Variants in CECR2 observed in about 807,000 individuals in gnomAD.
CECR2 encodes chromatin remodeling regulator CECR2.
CECR2 carries 30 observed loss-of-function variants against 154.5 expected under a neutral mutation model. The observed-to-expected ratio is 0.19, with a 90% CI of 0.15 to 0.26. CECR2 has a LOEUF of 0.26. Ranked by LOEUF, CECR2 falls within the 10% of genes least tolerant of loss-of-function variation. The pLI, the probability that CECR2 is intolerant of heterozygous loss-of-function variation, is 1.00. For missense variants in CECR2, 1,743 were observed against 1,829.3 expected, an observed-to-expected ratio of 0.95 and a Z score of 0.86; for synonymous variants, 725 against 683.7, an observed-to-expected ratio of 1.06 and a Z score of -0.94.
At chr22:17,469,640 TATAATCCTACCCAG>T (rs2055092230) in intron 1 of CECR2, among the ~76,000 whole-genome samples, 1 of 151,480 alleles carries the variant, frequency 6.6e-6, no homozygotes, top group Non-Finnish European at 1.5e-5. Flanking sequence ...TTTTCTTCAT[TATAATCCTACCCAG>T]GCTGTTCCTA....
intron 1 of CECR2, among the ~76,000 whole-genome samples, chr22:17,450,906 C>T (rs2054758549): frequency 6.6e-6 from 1 of 152,244 alleles, no homozygotes; most frequent in African/African-American, 2.4e-5. Flanking sequence ...TCCAGACCAT[C>T]CTCATCTCAT....
chr22:17,421,465 A>G (rs1231440668), intron 1 of CECR2, among the ~76,000 whole-genome samples: 5 of 151,884 alleles, frequency 3.3e-5, no homozygotes, highest in African/African-American at 1.2e-4. Context: ...AATACAAAAA[A>G]TTAGTCGGGT....
intron 1 of CECR2, among the ~76,000 whole-genome samples, chr22:17,462,765 C>T (rs57784551): frequency 0.017 from 2,557 of 152,136 alleles, 71 homozygotes; most frequent in African/African-American, 0.058. Flanking sequence ...AATCAAAAAT[C>T]AGCTGGGTGT....
At chr22:17,511,642 C>G (rs949204299) in intron 7 of CECR2, among the ~76,000 whole-genome samples, 171 bp from the exon 8 acceptor site, 1 of 151,884 alleles carries the variant, frequency 6.6e-6, no homozygotes, top group African/African-American at 2.4e-5. Flanking sequence ...AAACTGGCTT[C>G]TGTCCCTACA....
At chr22:17,505,534 CTTT>C (rs11387639) in intron 7 of CECR2, among the ~76,000 whole-genome samples, 20 of 98,840 alleles carry the variant, frequency 2.0e-4, no homozygotes, top group African/African-American at 5.8e-4. Context: ...CCTCTTTTTC[CTTT>C]TTTTTTTTTT....
At chr22:17,394,674 C>T (rs2053781814) in intron 1 of CECR2, among the ~76,000 whole-genome samples, 1 of 152,132 alleles carries the variant, frequency 6.6e-6, no homozygotes, top group Admixed American at 6.5e-5. Context: ...TCAATTTCTG[C>T]AAAGACATCC....
At chr22:17,390,039 A>AT (rs2063310034) in intron 1 of CECR2, among the ~76,000 whole-genome samples, 1 of 152,192 alleles carries the variant, frequency 6.6e-6, no homozygotes, top group Non-Finnish European at 1.5e-5. Flanking sequence ...AATAATATAT[A>AT]TAATTTGTAC....
chr22:17,542,432 C>T lies in CECR2; in HGVS notation c.2289C>T (p.Tyr763=), dbSNP rs2056541369. ...EIPPSHMYRS[Y]KYLNRVHSAV... ...CTCCCAGCCATATGTATCGATCGTA[C>T]AAGTACCTGAATCGAGTACACTCTG... The change falls in exon 16 of 19, where the codon TAC becomes TAT. Residue 763 remains tyrosine (Y), a synonymous_variant. Coordinates refer to ENST00000262608, the MANE Select transcript of CECR2 (RefSeq NM_001290047.2). The T allele has an allele frequency of 6.2e-7, 1 of 1,613,862 alleles. No homozygotes were observed. Among genetic ancestry groups the T allele is most frequent in the African/African-American group, 1.3e-5 (1 of 74,946 alleles).
In CECR2 at chr22:17,402,730, T is replaced by TTTTC. The variant is rs774482064; in HGVS notation, c.126+32837_126+32840dup. Among the ~76,000 whole-genome samples the TTTTC allele has an allele frequency of 3.0e-4, 46 of 151,496 alleles. 1 individual carries two copies. In the South Asian group the frequency reaches 5.6e-3, roughly 19 times the overall value. ...ATTCCAACAGTTTCCCAATCTTTTC[T>TTTTC]TTTCTTTCTTTCTTTCTTTTCTTCT... On this transcript the variant is annotated intron_variant, in intron 1 of 18. Transcript: ENST00000262608.
chr22:17,542,839 G>T lies in CECR2; in HGVS notation c.2696G>T (p.Gly899Val). 1 of 1,613,718 alleles carries T rather than the reference G, an allele frequency of 6.2e-7. No individual in the cohort carries two copies. The highest frequency in any genetic ancestry group is 1.6e-4 in the Middle Eastern group (1 of 6,062). Residue 899 changes from glycine (G) to valine (V), a missense_variant, in exon 16 of 19, where the codon GGT becomes GTT. By Grantham distance (109) the Gly-to-Val change is moderately radical. Around this residue, in one of 4 missense-constraint regions of CECR2, gnomAD observed 1,250 missense variants for 1,192.1 expected, o/e 1.05. Coordinates refer to ENST00000262608, the MANE Select transcript of CECR2 (RefSeq NM_001290047.2). The part of the protein sequence containing the change: ...QQLSSRVCPP[G>V]VPYHPHQPAH... Reference sequence around the variant, plus strand: ...CTCTCCTCCCGCGTCTGCCCCCCAGGTGTGCCTTACCACCCCCACCAGCCT... The same window carrying T: ...CTCTCCTCCCGCGTCTGCCCCCCAGTTGTGCCTTACCACCCCCACCAGCCT...
rs544665580 is a variant in CECR2, at chr22:17,393,405, TTTTA to T, written c.126+23501_126+23504del. Among the ~76,000 whole-genome samples the T allele has an allele frequency of 3.5e-3, 539 of 152,358 alleles. 3 individuals are homozygous for T. Among genetic ancestry groups the T allele is most frequent in the African/African-American group, 0.012 (505 of 41,572 alleles). On this transcript the variant is annotated intron_variant, in intron 1 of 18. Transcript: ENST00000262608. ...TATACATTGTATATAATAATTTTTA[TTTTA>T]TTTACCCATTGGTGGACATTTAGGT... is the stretch of plus-strand genomic sequence containing the variant.
At chr22:17,503,816 G>A (rs2055783408) in intron 6 of CECR2, among the ~76,000 whole-genome samples, 1 of 151,998 alleles carries the variant, frequency 6.6e-6, no homozygotes, top group South Asian at 2.1e-4. Flanking sequence ...GGAGGTCGAG[G>A]TGGATGGATC....
intron 1 of CECR2, among the ~76,000 whole-genome samples, chr22:17,459,305 G>T (rs1272653940): frequency 1.1e-4 from 16 of 152,072 alleles, no homozygotes. Context: ...CCTTTGCCCT[G>T]CCCGGCCCTG....
intron 1 of CECR2, among the ~76,000 whole-genome samples, chr22:17,444,032 C>T (rs529948330): frequency 6.6e-6 from 1 of 152,316 alleles, no homozygotes; most frequent in Admixed American, 6.5e-5. Flanking sequence ...CACCCTTCCT[C>T]CCAGGTATTT....
chr22:17,421,858 A>G (rs2054258319), intron 1 of CECR2, among the ~76,000 whole-genome samples: 1 of 143,674 alleles, frequency 7.0e-6, no homozygotes, highest in Non-Finnish European at 1.5e-5. Flanking sequence ...ACTAAAAAAA[A>G]AAACAAAAAA....
chr22:17,473,385 G>C (rs936539505), intron 1 of CECR2, among the ~76,000 whole-genome samples: 1 of 152,226 alleles, frequency 6.6e-6, no homozygotes, highest in Admixed American at 6.5e-5. Context: ...TTTTAGTAGA[G>C]TCCCTTATTG....
At chr22:17,458,707 G>A (rs1420228836) in intron 1 of CECR2, among the ~76,000 whole-genome samples, 1 of 152,082 alleles carries the variant, frequency 6.6e-6, no homozygotes, top group South Asian at 2.1e-4. Flanking sequence ...GATCATGCAA[G>A]GAAGAATTAA....
chr22:17,486,591 TTACTA>T (rs1305953386), intron 2 of CECR2, among the ~76,000 whole-genome samples: 2 of 152,176 alleles, frequency 1.3e-5, no homozygotes, highest in African/African-American at 4.8e-5. Flanking sequence ...AGGGCAAGCC[TTACTA>T]CAGCTGTGCA....
At chr22:17,496,379 A>G (rs1257600995) in intron 2 of CECR2, among the ~76,000 whole-genome samples, 1 of 152,022 alleles carries the variant, frequency 6.6e-6, no homozygotes, top group Non-Finnish European at 1.5e-5. Flanking sequence ...GGGCGCCTCT[A>G]GTCCCAGCTA....
Sources: allele counts gnomAD v4.1 joint callset (sites outside exome capture counted in the v4.1 genomes callset), GRCh38; gene constraint gnomAD v4.1.1; regional missense constraint gnomAD v4.1.1; transcripts MANE v1.5; gene names NCBI Gene and HGNC (gene_info 2026-07-23, HGNC 2026-07-21).